The following DENND5B variants were observed in gnomAD, a reference collection of about 807,000 sequenced individuals.
DENND5B encodes DENN domain-containing protein 5B.
In DENND5B, 34 loss-of-function variants were observed where a neutral mutation model predicts 140.6. The observed-to-expected ratio is 0.24, with a 90% CI of 0.18 to 0.32. The LOEUF (loss-of-function observed/expected upper bound fraction) is 0.32, where lower values mean the gene tolerates loss of function less well. Ranked by LOEUF, DENND5B falls within the 10% of genes least tolerant of loss-of-function variation. DENND5B has a pLI of 1.00. For missense variants in DENND5B, 1,142 were observed against 1,560.2 expected, an observed-to-expected ratio of 0.73 and a Z score of 4.52; for synonymous variants, 551 against 562.1, an observed-to-expected ratio of 0.98 and a Z score of 0.28.
At position 31,590,851 on chromosome 12, in the gene DENND5B, G is replaced by T; in HGVS notation, c.-19C>A. On this transcript the variant is annotated 5_prime_UTR_variant, in exon 1 of 21. In the 5' UTR this introduces an upstream ATG that the reference lacks. Coordinates refer to ENST00000389082, the MANE Select transcript of DENND5B (RefSeq NM_144973.4). The stretch of plus-strand genomic sequence containing the variant: ...CGCTCATCCCGGCCGCGCTGCTCCA[G>T]GGGCCGCCGCCGCCGCCGCCCGGGA... The T allele has an allele frequency of 8.3e-7, 1 of 1,208,834 alleles. No individual in the cohort carries two copies. The highest frequency in any genetic ancestry group is 3.5e-5 in the East Asian group (1 of 28,296). The allele number at this position is 1,208,834 out of a possible 1,614,324, so 74.9% of individuals were successfully genotyped here.
intron 1 of DENND5B, among the ~76,000 whole-genome samples, chr12:31,588,188 T>C (rs1002717688): frequency 6.6e-6 from 1 of 152,166 alleles, no homozygotes; most frequent in African/African-American, 2.4e-5. Flanking sequence ...CTGCGTGCAA[T>C]GCTGTGCCCC....
rs560460244 is a variant in DENND5B at position 31,383,484 on chromosome 12, A to T, written c.*4119T>A. The T allele has an allele frequency of 6.6e-6, 1 of 152,316 alleles. No individual in the cohort carries two copies. Among genetic ancestry groups the T allele is most frequent in the Admixed American group, 6.5e-5 (1 of 15,282 alleles). The allele number at this position is 152,316 out of a possible 1,614,324, so 9.4% of individuals were successfully genotyped here. A position where few individuals can be genotyped will look rare whatever the true frequency, so the allele number is the denominator to read the frequency against. ...AGTGTGATAGAAGTTCATTAAAATA[A>T]TTTTTTAAAAAGCCATGTGAAAGTA... On this transcript the variant is annotated 3_prime_UTR_variant, in exon 21 of 21. Coordinates refer to ENST00000389082, the MANE Select transcript of DENND5B (RefSeq NM_144973.4).
intron 1 of DENND5B, among the ~76,000 whole-genome samples, chr12:31,501,098 T>C (rs1946985030): frequency 1.3e-5 from 2 of 152,210 alleles, no homozygotes; most frequent in Admixed American, 1.3e-4. Context: ...ATGGTTTGGC[T>C]ATGTCCTCAC....
rs142888544 is a variant in DENND5B, at chr12:31,429,895, T to C, written c.2106+3260A>G. Among the ~76,000 whole-genome samples, 398 of 149,908 alleles carry C rather than the reference T, an allele frequency of 2.7e-3. 2 individuals carry two copies. Among genetic ancestry groups the C allele is most frequent in the Non-Finnish European group, 4.1e-3 (277 of 67,376 alleles). On this transcript the variant is annotated intron_variant, in intron 8 of 20. Coordinates refer to ENST00000389082, the MANE Select transcript of DENND5B (RefSeq NM_144973.4). ...CTAATTTTTGTATTTTCAGTACAGA[T>C]GGGGTTTCACCATGTTGGCCAGGCT... is the stretch of plus-strand genomic sequence containing the variant.
chr12:31,510,543 G>C (rs754022618), intron 1 of DENND5B, among the ~76,000 whole-genome samples: 13 of 152,170 alleles, frequency 8.5e-5, no homozygotes, highest in Non-Finnish European at 1.5e-4. Context: ...TGGTTGTAGA[G>C]CTAAGGTCCC....
At chr12:31,462,390 C>A (rs1431624785) in intron 3 of DENND5B, among the ~76,000 whole-genome samples, 7 of 151,862 alleles carry the variant, frequency 4.6e-5, no homozygotes, top group Non-Finnish European at 7.4e-5. Flanking sequence ...CCTGAAACCC[C>A]TGAGGTCGGC....
intron 1 of DENND5B, among the ~76,000 whole-genome samples, chr12:31,501,866 A>C (rs553161090): frequency 1.2e-4 from 19 of 152,286 alleles, no homozygotes; most frequent in Admixed American, 3.9e-4. Context: ...AATTATAACT[A>C]ATGTACCATA....
intron 1 of DENND5B, among the ~76,000 whole-genome samples, chr12:31,526,802 T>C (rs1194944198): frequency 1.3e-5 from 2 of 152,236 alleles, no homozygotes; most frequent in Non-Finnish European, 2.9e-5. Context: ...TTGGAGAAAC[T>C]GGGTGAAGGG....
rs2139568300 is a variant in DENND5B, at chr12:31,591,092, C to G, written c.-260G>C. ...CGGGGGGAGTGTCGGCCTGAGAGGC[C>G]CTCGCAGCCGCAGCTGCGCTCGCGA... On this transcript the variant is annotated 5_prime_UTR_variant, in exon 1 of 21. Coordinates refer to ENST00000389082, the MANE Select transcript of DENND5B (RefSeq NM_144973.4). 6.2e-6 allele frequency: 1 copy of G among 160,542 alleles called. No individual in the cohort carries two copies. The highest frequency in any genetic ancestry group is 1.3e-5 in the Non-Finnish European group (1 of 77,168). 9.9% of individuals were successfully genotyped at this position (160,542 alleles called of 1,614,324 possible). A position where few individuals can be genotyped will look rare whatever the true frequency, so the allele number is the denominator to read the frequency against.
At chr12:31,390,023 G>T (rs1941042866) in intron 19 of DENND5B, among the ~76,000 whole-genome samples, 1 of 152,016 alleles carries the variant, frequency 6.6e-6, no homozygotes. Context: ...TCACTCCTGG[G>T]GGCCTATCTC....
chr12:31,544,096 A>C (rs540878510), intron 1 of DENND5B, among the ~76,000 whole-genome samples: 121 of 152,270 alleles, frequency 7.9e-4, no homozygotes, highest in African/African-American at 2.4e-3. Flanking sequence ...CCTGAGAGGC[A>C]GAAGTTGCAG....
intron 5 of DENND5B, 91 bp from the exon 6 acceptor site, chr12:31,447,860 CCTT>C: frequency 1.1e-6 from 1 of 888,036 alleles, no homozygotes; most frequent in East Asian, 2.7e-5. Context: ...TCAGGACATT[CCTT>C]TTTTAAATCT....
chr12:31,461,820 AAC>A (rs1490618777), intron 3 of DENND5B, among the ~76,000 whole-genome samples: 1 of 152,190 alleles, frequency 6.6e-6, no homozygotes, highest in Non-Finnish European at 1.5e-5. Flanking sequence ...ACTGTGAACA[AAC>A]ACAGTAAAAT....
At chr12:31,566,353 T>C (rs1046969721) in intron 1 of DENND5B, among the ~76,000 whole-genome samples, 70 of 150,794 alleles carry the variant, frequency 4.6e-4, no homozygotes, top group Non-Finnish European at 9.4e-4. Flanking sequence ...TGTGTGTGTG[T>C]GTGTGTGTGT....
intron 4 of DENND5B, among the ~76,000 whole-genome samples, chr12:31,457,149 C>CT (rs1944813249): frequency 6.6e-6 from 1 of 152,228 alleles, no homozygotes; most frequent in African/African-American, 2.4e-5. Context: ...AAAAGCAGCT[C>CT]TGTTTCAGTT....
intron 1 of DENND5B, among the ~76,000 whole-genome samples, chr12:31,583,723 G>A (rs1266616830): frequency 2.6e-5 from 4 of 151,834 alleles, no homozygotes; most frequent in Non-Finnish European, 5.9e-5. Flanking sequence ...ACAACAACAA[G>A]AATTTAGCAC....
At chr12:31,489,754 GTA>G (rs35235957) in intron 2 of DENND5B, among the ~76,000 whole-genome samples, 84,367 of 151,858 alleles carry the variant, frequency 0.56, 23,925 homozygotes, top group East Asian at 0.82. Flanking sequence ...CTACAAAAAG[GTA>G]TACAAGGTAC....
At chr12:31,558,206 T>C (rs1949361909) in intron 1 of DENND5B, among the ~76,000 whole-genome samples, 4 of 152,186 alleles carry the variant, frequency 2.6e-5, no homozygotes, top group Admixed American at 2.6e-4. Context: ...TATTGTTCTT[T>C]TCAGCAATTC....
intron 1 of DENND5B, among the ~76,000 whole-genome samples, chr12:31,581,751 T>G (rs1677188): frequency 0.077 from 11,675 of 151,300 alleles, 1,035 homozygotes; most frequent in African/African-American, 0.22. Context: ...AACTAATTGA[T>G]TTTCTCCCTT....
Sources: allele counts gnomAD v4.1 joint callset (sites outside exome capture counted in the v4.1 genomes callset), GRCh38; gene constraint gnomAD v4.1.1; transcripts MANE v1.5; gene names NCBI Gene and HGNC (gene_info 2026-07-23, HGNC 2026-07-21).